ZFPM2: variants seen among roughly 807,000 people sequenced by gnomAD.
ZFPM2 encodes zinc finger protein, FOG family member 2, also known as zinc finger protein ZFPM2.
Under a neutral mutation model 98.6 loss-of-function variants are expected in ZFPM2, and 20 were observed. The observed-to-expected ratio is 0.20, with a 90% confidence interval of 0.14 to 0.29. The LOEUF is 0.29. ZFPM2 is among the 10% of genes least tolerant of loss of function. The pLI is 1.00. For missense variants in ZFPM2, 1,310 were observed against 1,388.6 expected (o/e 0.94, Z 0.90); for synonymous variants, 518 against 502.7 (o/e 1.03, Z -0.41).
intron 5 of ZFPM2, among the ~76,000 whole-genome samples, chr8:105,660,700 G>T (rs1817371607): frequency 6.6e-6 from 1 of 152,002 alleles, no homozygotes; most frequent in African/African-American, 2.4e-5. Context: ...GTAACTTCTG[G>T]TATCACCATG....
intron 4 of ZFPM2, among the ~76,000 whole-genome samples, chr8:105,598,369 C>A (rs1816018405): frequency 2.0e-5 from 3 of 152,096 alleles, no homozygotes. Context: ...GGACTGATTA[C>A]TTTTATTTTG....
chr8:105,685,500 A>G (rs984802129), intron 5 of ZFPM2, among the ~76,000 whole-genome samples: 9 of 152,150 alleles, frequency 5.9e-5, no homozygotes, highest in African/African-American at 2.2e-4. Context: ...TTTCTACTCA[A>G]AAGATATGGA....
At chr8:105,685,459 C>G (rs969168945) in intron 5 of ZFPM2, among the ~76,000 whole-genome samples, 3 of 152,038 alleles carry the variant, frequency 2.0e-5, no homozygotes, top group Non-Finnish European at 4.4e-5. Flanking sequence ...CTATAGTCTG[C>G]TTACCTACGT....
At chr8:105,773,911 A>G (rs1401279215) in intron 5 of ZFPM2, among the ~76,000 whole-genome samples, 1 of 152,140 alleles carries the variant, frequency 6.6e-6, no homozygotes, top group Non-Finnish European at 1.5e-5. Flanking sequence ...TTTATTAATT[A>G]AAAATAATCT....
chr8:105,581,321 A>G (rs1341728492), intron 4 of ZFPM2, among the ~76,000 whole-genome samples: 5 of 152,144 alleles, frequency 3.3e-5, no homozygotes, highest in African/African-American at 9.7e-5. Flanking sequence ...GAATGAATCA[A>G]TGTGATACGT....
Position 105,798,779 on chromosome 8 carries a change from G to T in ZFPM2, c.795G>T (p.Leu265=), listed in dbSNP as rs1441007891. ...CGIWYRSERN[L]QAHLMYYCSG... ...TCTGGTATCGGAGTGAGCGGAATCT[G>T]CAGGCCCATTTGATGTACTACTGCA... The change falls in exon 7 of 8, where the codon CTG becomes CTT. Residue 265 remains leucine (L), a synonymous_variant. Transcript: ENST00000407775. 6.2e-7 allele frequency: 1 copy of T among 1,613,916 alleles called. No individual in the cohort carries two copies. Among genetic ancestry groups the T allele is most frequent in the East Asian group, 2.2e-5 (1 of 44,864 alleles).
chr8:105,666,748 T>C (rs1176278112), intron 5 of ZFPM2, among the ~76,000 whole-genome samples: 1 of 151,524 alleles, frequency 6.6e-6, no homozygotes, highest in Non-Finnish European at 1.5e-5. Flanking sequence ...AACGTTAACA[T>C]GAATCAAGGC....
Position 105,802,734 on chromosome 8 carries a change from T to A in ZFPM2, c.2652T>A (p.Arg884=). ...TCTGCCCGGTTACTGCACATCAGCG[T>A]AATGACCTGGGTCAACTGGACGGCA... ...QNFCPVTAHQ[R]NDLGQLDGKV... Residue 884 remains arginine, a synonymous_variant, in exon 8 of 8, where the codon CGT becomes CGA. Coordinates refer to ENST00000407775, the MANE Select transcript of ZFPM2 (RefSeq NM_012082.4). The A allele has an allele frequency of 1.9e-6, 3 of 1,613,366 alleles. No homozygotes were observed. The highest frequency in any genetic ancestry group is 2.5e-6 in the Non-Finnish European group (3 of 1,179,698).
At chr8:105,632,143 GGTTTTGTTTT>G (rs201913090) in intron 4 of ZFPM2, among the ~76,000 whole-genome samples, 36 of 151,726 alleles carry the variant, frequency 2.4e-4, no homozygotes, top group South Asian at 1.0e-3. Context: ...GATCCTTTGG[GGTTTTGTTTT>G]GTTTTGTTTT....
chr8:105,352,453 T>C (rs1468118622), intron 1 of ZFPM2, among the ~76,000 whole-genome samples: 1 of 152,168 alleles, frequency 6.6e-6, no homozygotes, highest in Non-Finnish European at 1.5e-5. Context: ...ATTAACCCAT[T>C]AGCCCACATT....
intron 1 of ZFPM2, among the ~76,000 whole-genome samples, chr8:105,349,553 G>T (rs1812604064): frequency 6.6e-6 from 1 of 152,030 alleles, no homozygotes; most frequent in Admixed American, 6.6e-5. Context: ...CTCAGTGAAG[G>T]GTTTACATTC....
At chr8:105,648,659 G>C (rs1045301864) in intron 5 of ZFPM2, among the ~76,000 whole-genome samples, 79 of 152,050 alleles carry the variant, frequency 5.2e-4, no homozygotes, top group African/African-American at 1.8e-3. Flanking sequence ...TCTTGTTTTT[G>C]TCAGGTTTGT....
At chr8:105,330,621 T>TATACAC (rs771219736) in intron 1 of ZFPM2, among the ~76,000 whole-genome samples, 17,975 of 103,736 alleles carry the variant, frequency 0.17, 1,992 homozygotes, top group Middle Eastern at 0.27. Flanking sequence ...CACATATATA[T>TATACAC]ATATATATAT....
chr8:105,388,002 CCA>C (rs1196602137), intron 1 of ZFPM2: 39 of 152,340 alleles, frequency 2.6e-4, no homozygotes, highest in African/African-American at 9.1e-4. Context: ...GATTTTACTT[CCA>C]GTCTTAGAAA....
Position 105,666,153 on chromosome 8 carries a change from A to T in ZFPM2, c.532+31796A>T, listed in dbSNP as rs1357202074. Among the ~76,000 whole-genome samples the T allele has an allele frequency of 2.0e-5, 3 of 152,174 alleles. No homozygotes were observed. In the East Asian group the frequency reaches 5.8e-4, roughly 29 times the overall value. On this transcript the variant is annotated intron_variant, in intron 5 of 7. Coordinates refer to ENST00000407775, the MANE Select transcript of ZFPM2 (RefSeq NM_012082.4). Reference sequence around the variant, plus strand: ...TCTGAAATATATTTGCATTTCAGGGATGGGGGCAGGTGACTTTGTGACAAG... The same window carrying T: ...TCTGAAATATATTTGCATTTCAGGGTTGGGGGCAGGTGACTTTGTGACAAG...
intron 5 of ZFPM2, among the ~76,000 whole-genome samples, chr8:105,724,673 C>T (rs181475743): frequency 1.8e-4 from 27 of 151,720 alleles, no homozygotes; most frequent in African/African-American, 6.5e-4. Flanking sequence ...ATTATTACTG[C>T]GTCTTTACAT....
chr8:105,542,816 A>C (rs1467762672), intron 3 of ZFPM2, among the ~76,000 whole-genome samples: 2 of 152,166 alleles, frequency 1.3e-5, no homozygotes, highest in East Asian at 3.9e-4. Flanking sequence ...AATTTTTAAA[A>C]CTGTGGTATA....
At chr8:105,589,847 A>G (rs1466744805) in intron 4 of ZFPM2, among the ~76,000 whole-genome samples, 8 of 151,948 alleles carry the variant, frequency 5.3e-5, no homozygotes, top group Admixed American at 1.3e-4. Flanking sequence ...TCAGTCTCCC[A>G]AGTAGCTGGG....
chr8:105,711,615 A>G (rs1267325771), intron 5 of ZFPM2, among the ~76,000 whole-genome samples: 1 of 152,062 alleles, frequency 6.6e-6, no homozygotes, highest in Non-Finnish European at 1.5e-5. Flanking sequence ...TACTATATAT[A>G]CCACTGTACA....
Sources: gnomAD v4.1 joint callset for allele counts (sites outside exome capture counted in the v4.1 genomes callset) on GRCh38, gnomAD v4.1.1 for gene constraint, MANE v1.5 for transcripts, NCBI Gene and HGNC (gene_info 2026-07-23, HGNC 2026-07-21) for gene names.